FOXP1: variants seen among roughly 807,000 people sequenced by gnomAD.
FOXP1 encodes the protein forkhead box P1.
A neutral mutation model predicts 98.2 loss-of-function variants in FOXP1; 15 were observed. The observed-to-expected ratio is 0.15, with a 90% CI of 0.10 to 0.24. The LOEUF (loss-of-function observed/expected upper bound fraction) is 0.24, where lower values mean the gene tolerates loss of function less well. FOXP1 is among the 10% of genes least tolerant of loss of function. FOXP1 has a pLI of 1.00. For synonymous variants in FOXP1, 371 were observed against 314.5 expected (o/e 1.18, Z -1.90); for missense variants, 633 against 848.5 (o/e 0.75, Z 3.15).
chr3:71,109,016 T>A (rs2107719794), intron 7 of FOXP1, among the ~76,000 whole-genome samples: 1 of 152,328 alleles, frequency 6.6e-6, no homozygotes, highest in East Asian at 1.9e-4. Flanking sequence ...GTATCATTCA[T>A]AAAAAAATTT....
At chr3:71,422,629 G>A (rs1468067773) in intron 3 of FOXP1, among the ~76,000 whole-genome samples, 1 of 152,146 alleles carries the variant, frequency 6.6e-6, no homozygotes, top group Non-Finnish European at 1.5e-5. Context: ...GGAAATAATC[G>A]AAAAGAAAGC....
intron 3 of FOXP1, among the ~76,000 whole-genome samples, chr3:71,412,502 AG>A (rs2082829863): frequency 6.6e-6 from 1 of 152,190 alleles, no homozygotes; most frequent in Non-Finnish European, 1.5e-5. Flanking sequence ...GGGCCAGACT[AG>A]GGACTAAAAC....
intron 3 of FOXP1, among the ~76,000 whole-genome samples, chr3:71,377,555 C>T (rs566479337): frequency 1.8e-4 from 27 of 152,228 alleles, no homozygotes; most frequent in African/African-American, 6.0e-4. Context: ...AAATAACCCC[C>T]CCAAGGTCAC....
intron 5 of FOXP1, among the ~76,000 whole-genome samples, chr3:71,238,777 T>C (rs2067009922): frequency 6.6e-6 from 1 of 152,198 alleles, no homozygotes; most frequent in Admixed American, 6.5e-5. Context: ...ATTGCTCCTG[T>C]CCACCTGCAA....
At chr3:71,453,995 C>T (rs914052001) in intron 3 of FOXP1, among the ~76,000 whole-genome samples, 4 of 152,154 alleles carry the variant, frequency 2.6e-5, no homozygotes, top group Non-Finnish European at 2.9e-5. Flanking sequence ...CAGGTATTTC[C>T]ACCAAACCAC....
At chr3:71,266,786 A>G (rs368694490) in intron 5 of FOXP1, among the ~76,000 whole-genome samples, 36 of 152,162 alleles carry the variant, frequency 2.4e-4, no homozygotes, top group African/African-American at 7.7e-4. Context: ...TGTGTACCCA[A>G]TGTTTAGCTC....
At chr3:71,109,819 G>A (rs2057760692) in intron 7 of FOXP1, among the ~76,000 whole-genome samples, 1 of 152,090 alleles carries the variant, frequency 6.6e-6, no homozygotes, top group South Asian at 2.1e-4. Flanking sequence ...AGGCAGCTGA[G>A]GGGTCCTTCA....
chr3:71,247,557 C>T (rs965269085), intron 5 of FOXP1, among the ~76,000 whole-genome samples: 2 of 152,126 alleles, frequency 1.3e-5, no homozygotes, highest in Admixed American at 6.5e-5. Flanking sequence ...GGCCTGCGAG[C>T]GACTTTGGTG....
chr3:71,103,338 T>C (rs1189665250), intron 7 of FOXP1, among the ~76,000 whole-genome samples: 1 of 152,262 alleles, frequency 6.6e-6, no homozygotes, highest in African/African-American at 2.4e-5. Flanking sequence ...CAATGAATGT[T>C]GATAAACATC....
intron 2 of FOXP1, among the ~76,000 whole-genome samples, chr3:71,510,549 T>A (rs1429667483): frequency 6.6e-6 from 1 of 151,904 alleles, no homozygotes; most frequent in African/African-American, 2.4e-5. Context: ...CTTCAGAAAA[T>A]GAAAGCACAC....
At chr3:71,373,599 G>A (rs938105432) in intron 3 of FOXP1, among the ~76,000 whole-genome samples, 9 of 152,226 alleles carry the variant, frequency 5.9e-5, no homozygotes, top group African/African-American at 2.2e-4. Flanking sequence ...GCAGCATAGT[G>A]AGGTGACACT....
intron 4 of FOXP1, among the ~76,000 whole-genome samples, chr3:71,318,457 T>C (rs568001339): frequency 6.6e-6 from 1 of 152,208 alleles, no homozygotes; most frequent in Admixed American, 6.5e-5. Context: ...TACATAATTT[T>C]AAAAATATTT....
intron 4 of FOXP1, chr3:71,329,716 T>A (rs1264748314): frequency 6.6e-6 from 1 of 152,232 alleles, no homozygotes; most frequent in Non-Finnish European, 1.5e-5. Context: ...GGCCTAATAC[T>A]TTCTATAGTA....
At chr3:70,974,095 A>G (rs972589951) in intron 17 of FOXP1, among the ~76,000 whole-genome samples, 1 of 152,156 alleles carries the variant, frequency 6.6e-6, no homozygotes, top group African/African-American at 2.4e-5. Flanking sequence ...ATAAATTCCC[A>G]AAAAGTTTTT....
intron 3 of FOXP1, among the ~76,000 whole-genome samples, chr3:71,378,316 T>C (rs560833192): frequency 5.8e-4 from 89 of 152,294 alleles, no homozygotes; most frequent in African/African-American, 1.9e-3. Context: ...TACAGTATCA[T>C]ATACTATGAT....
intron 7 of FOXP1, among the ~76,000 whole-genome samples, chr3:71,106,281 A>G (rs1406424809): frequency 6.6e-6 from 1 of 152,254 alleles, no homozygotes; most frequent in African/African-American, 2.4e-5. Flanking sequence ...TTTGCATTGT[A>G]ATTCTTAGAT....
intron 2 of FOXP1, among the ~76,000 whole-genome samples, chr3:71,552,445 A>AT (rs1407738065): frequency 1.3e-5 from 2 of 152,048 alleles, no homozygotes; most frequent in African/African-American, 2.4e-5. Flanking sequence ...TGAATAAATA[A>AT]TTATATTAGT....
At chr3:71,521,871 G>C (rs1259120897) in intron 2 of FOXP1, among the ~76,000 whole-genome samples, 1 of 152,084 alleles carries the variant, frequency 6.6e-6, no homozygotes, top group African/African-American at 2.4e-5. Flanking sequence ...AACTGCTCAT[G>C]GAAAGGCGCA....
intron 4 of FOXP1, among the ~76,000 whole-genome samples, chr3:71,305,327 AT>A (rs2074188237): frequency 6.6e-6 from 1 of 152,078 alleles, no homozygotes; most frequent in Admixed American, 6.5e-5. Context: ...AGAGGCTGTC[AT>A]TTTCCCCCCA....
Sources: allele counts gnomAD v4.1 joint callset (sites outside exome capture counted in the v4.1 genomes callset), GRCh38; gene constraint gnomAD v4.1.1; transcripts MANE v1.5; gene names NCBI Gene and HGNC (gene_info 2026-07-23, HGNC 2026-07-21).